Variants in NTM observed in about 807,000 individuals in gnomAD.
NTM encodes neurotrimin.
Under a neutral mutation model 42.1 loss-of-function variants are expected in NTM, and 13 were observed. The ratio of observed to expected loss-of-function variants is 0.31; its 90% confidence interval spans 0.20 to 0.49. The LOEUF is 0.49. Among genes scored for constraint, NTM ranks in the 20% least tolerant of loss-of-function variants. The pLI is 0.99. For missense variants in NTM, 373 were observed against 452.8 expected, an observed-to-expected ratio of 0.82 and a Z score of 1.60; for synonymous variants, 187 against 179.2, an observed-to-expected ratio of 1.04 and a Z score of -0.35.
At chr11:131,371,773 T>G (rs1163106884) in intron 1 of NTM, among the ~76,000 whole-genome samples, 2 of 152,100 alleles carry the variant, frequency 1.3e-5, no homozygotes, top group Non-Finnish European at 2.9e-5. Context: ...CTAATCTTCT[T>G]GCTCCCACCT....
At chr11:132,283,920 A>G (rs922263775) in intron 4 of NTM, among the ~76,000 whole-genome samples, 1 of 152,090 alleles carries the variant, frequency 6.6e-6, no homozygotes, top group Non-Finnish European at 1.5e-5. Flanking sequence ...CAGGGGCTCT[A>G]TCTCAGTGAT....
At chr11:131,770,051 G>A (rs189288221) in intron 1 of NTM, among the ~76,000 whole-genome samples, 231 of 152,300 alleles carry the variant, frequency 1.5e-3, no homozygotes, top group African/African-American at 5.3e-3. Flanking sequence ...GGAGAAGAGG[G>A]CCAGTGTATG....
chr11:132,251,067 G>A (rs1198083160), intron 4 of NTM, among the ~76,000 whole-genome samples: 1 of 152,208 alleles, frequency 6.6e-6, no homozygotes, highest in Non-Finnish European at 1.5e-5. Flanking sequence ...CATTAAGGGT[G>A]TCTAATTTCT....
At chr11:131,905,736 C>A (rs1167399640) in intron 1 of NTM, among the ~76,000 whole-genome samples, 2 of 152,060 alleles carry the variant, frequency 1.3e-5, no homozygotes, top group Non-Finnish European at 2.9e-5. Flanking sequence ...GCAGGGGAGG[C>A]CCACGTTACT....
At chr11:131,471,954 A>G (rs1745342343) in intron 1 of NTM, among the ~76,000 whole-genome samples, 1 of 152,214 alleles carries the variant, frequency 6.6e-6, no homozygotes, top group South Asian at 2.1e-4. Context: ...CAGTGGGAGC[A>G]TGGATATGCT....
intron 1 of NTM, among the ~76,000 whole-genome samples, chr11:131,733,192 G>A (rs978838876): frequency 6.6e-6 from 1 of 152,042 alleles, no homozygotes; most frequent in African/African-American, 2.4e-5. Flanking sequence ...TTGGTTTAAT[G>A]AAAAAATTAT....
At chr11:131,869,192 T>C (rs2047521066) in intron 1 of NTM, among the ~76,000 whole-genome samples, 1 of 152,150 alleles carries the variant, frequency 6.6e-6, no homozygotes, top group Admixed American at 6.5e-5. Context: ...TGCTATCCCC[T>C]AGCGTCAGGC....
intron 2 of NTM, among the ~76,000 whole-genome samples, chr11:132,047,747 C>T (rs1002876376): frequency 3.3e-5 from 5 of 152,206 alleles, no homozygotes; most frequent in Admixed American, 2.0e-4. Flanking sequence ...TGTTTTTCCA[C>T]ATAACTTTTC....
At chr11:131,749,534 T>C (rs7115447) in intron 1 of NTM, among the ~76,000 whole-genome samples, 68,370 of 152,072 alleles carry the variant, frequency 0.45, 15,481 homozygotes, top group Admixed American at 0.51. Context: ...CTTGATCCCT[T>C]AGCCCCTGGG....
intron 1 of NTM, among the ~76,000 whole-genome samples, chr11:131,649,347 G>A (rs571948325): frequency 9.8e-4 from 150 of 152,348 alleles, no homozygotes; most frequent in African/African-American, 3.5e-3. Context: ...ACAGAATGCA[G>A]TGTCTGTTTA....
chr11:131,978,487 C>A (rs2064749962), intron 2 of NTM, among the ~76,000 whole-genome samples: 1 of 152,076 alleles, frequency 6.6e-6, no homozygotes, highest in Non-Finnish European at 1.5e-5. Context: ...AAACAGTAGA[C>A]CTGCTCTGGC....
intron 1 of NTM, among the ~76,000 whole-genome samples, chr11:131,373,121 T>C (rs1941446308): frequency 6.6e-6 from 1 of 152,172 alleles, no homozygotes; most frequent in African/African-American, 2.4e-5. Flanking sequence ...GACCCGCATA[T>C]TGCATGCCAG....
At chr11:132,333,878 C>T (rs565013406) in intron 8 of NTM, among the ~76,000 whole-genome samples, 1 of 152,274 alleles carries the variant, frequency 6.6e-6, no homozygotes, top group South Asian at 2.1e-4. Flanking sequence ...TGGAATAATC[C>T]CACATGGAAT....
rs1546403 is a variant in NTM at position 131,627,127 on chromosome 11, A to G, written c.82+256239A>G. Among the ~76,000 whole-genome samples the G allele has an allele frequency of 7.2e-3, 1,097 of 152,298 alleles. 7 individuals carry two copies. Among genetic ancestry groups the G allele is most frequent in the Non-Finnish European group, 0.012 (844 of 68,030 alleles). On this transcript the variant is annotated intron_variant, in intron 1 of 8. Transcript: ENST00000683400. ...TGAAATTTCGATTATAATAATCTCT[A>G]ATTATCTTGTACCTCGAGTGCCCTG...
At chr11:131,581,301 C>T (rs1009843823) in intron 1 of NTM, among the ~76,000 whole-genome samples, 1 of 151,966 alleles carries the variant, frequency 6.6e-6, no homozygotes, top group Non-Finnish European at 1.5e-5. Context: ...TTTCCTCGGT[C>T]CCCAGGGAGG....
At chr11:131,375,267 C>T (rs2135484430) in intron 1 of NTM, among the ~76,000 whole-genome samples, 1 of 152,334 alleles carries the variant, frequency 6.6e-6, no homozygotes, top group East Asian at 1.9e-4. Flanking sequence ...ATGCTTGTAA[C>T]ACTCCAAACA....
intron 1 of NTM, among the ~76,000 whole-genome samples, chr11:131,371,459 CG>C (rs1941163191): frequency 1.3e-5 from 2 of 152,084 alleles, no homozygotes; most frequent in South Asian, 4.2e-4. Context: ...TAAATGTGTT[CG>C]GGGGTGTGTT....
chr11:131,969,839 C>T (rs2063308528), intron 2 of NTM, among the ~76,000 whole-genome samples: 1 of 152,092 alleles, frequency 6.6e-6, no homozygotes, highest in Non-Finnish European at 1.5e-5. Context: ...TTTTTTGAGA[C>T]AGGGTCTTGC....
intron 1 of NTM, among the ~76,000 whole-genome samples, chr11:131,587,066 C>T (rs2058931085): frequency 6.6e-6 from 1 of 152,294 alleles, no homozygotes; most frequent in South Asian, 2.1e-4. Context: ...CCAGTCATTA[C>T]TCCACGTGAC....
Sources: gnomAD v4.1 joint callset for allele counts (sites outside exome capture counted in the v4.1 genomes callset) on GRCh38, gnomAD v4.1.1 for gene constraint, MANE v1.5 for transcripts, NCBI Gene and HGNC (gene_info 2026-07-23, HGNC 2026-07-21) for gene names.